SYT1: variants seen among roughly 807,000 people sequenced by gnomAD.
SYT1 encodes synaptotagmin 1.
In SYT1, 8 loss-of-function variants were observed where a neutral mutation model predicts 44.8. The observed-to-expected ratio is 0.18, with a 90% CI of 0.10 to 0.32. The LOEUF is 0.32. Among genes scored for constraint, SYT1 ranks in the 10% least tolerant of loss-of-function variants. The probability of loss-of-function intolerance (pLI) is 1.00; values close to 1 mark genes in which losing one functional copy is unlikely to be tolerated. For missense variants in SYT1, 286 were observed against 509.3 expected (o/e 0.56, Z 4.22); for synonymous variants, 154 against 188.8 (o/e 0.82, Z 1.51).
chr12:78,989,324 C>A (rs947740534), intron 2 of SYT1, among the ~76,000 whole-genome samples: 1 of 151,888 alleles, frequency 6.6e-6, no homozygotes, highest in African/African-American at 2.4e-5. Context: ...TTAAAGAATA[C>A]CTTACTAAAA....
chr12:79,204,474 G>GC (rs1250067626), intron 3 of SYT1, among the ~76,000 whole-genome samples: 1 of 152,158 alleles, frequency 6.6e-6, no homozygotes, highest in Non-Finnish European at 1.5e-5. Context: ...TTTCAGCAAA[G>GC]CAACGGAGAA....
chr12:79,302,248 A>G (rs1880186482), intron 8 of SYT1, among the ~76,000 whole-genome samples: 4 of 152,206 alleles, frequency 2.6e-5, no homozygotes, highest in Non-Finnish European at 5.9e-5. Flanking sequence ...AAAGAAAGTG[A>G]GAAAAAGGAG....
At chr12:78,925,508 G>GT in intron 1 of SYT1, among the ~76,000 whole-genome samples, 1 of 151,852 alleles carries the variant, frequency 6.6e-6, no homozygotes. Context: ...AGTTCTAGGA[G>GT]TTTTTTCCTC....
chr12:79,422,761 T>C (rs1207059337), intron 9 of SYT1, among the ~76,000 whole-genome samples: 1 of 152,064 alleles, frequency 6.6e-6, no homozygotes, highest in East Asian at 1.9e-4. Flanking sequence ...ATATCCATCC[T>C]GAAGGGGAAC....
intron 8 of SYT1, among the ~76,000 whole-genome samples, chr12:79,308,147 T>C (rs903728304): frequency 1.5e-4 from 23 of 152,198 alleles, no homozygotes; most frequent in African/African-American, 5.3e-4. Context: ...ATCCTTTCGC[T>C]GTAAGTCATG....
intron 2 of SYT1, among the ~76,000 whole-genome samples, chr12:78,991,928 G>T (rs943270465): frequency 6.6e-5 from 10 of 152,114 alleles, no homozygotes; most frequent in African/African-American, 2.4e-4. Context: ...TACATGAAGA[G>T]CTATTATTTC....
At chr12:78,914,261 G>A (rs948988924) in intron 1 of SYT1, among the ~76,000 whole-genome samples, 3 of 151,748 alleles carry the variant, frequency 2.0e-5, no homozygotes, top group Admixed American at 6.6e-5. Context: ...AAGATACCCT[G>A]GAAACTATTT....
At position 78,909,969 on chromosome 12, in the gene SYT1, A is replaced by G. The variant is rs116227178; in HGVS notation, c.-217+44860A>G. On this transcript the variant is annotated intron_variant, in intron 1 of 10. Transcript: ENST00000261205. Reference sequence around the variant, plus strand: ...TACTGATGCCCTAGTACCATCTCCAATATTGTTTGACCCCTTCTTCCTCCT... The same window carrying G: ...TACTGATGCCCTAGTACCATCTCCAGTATTGTTTGACCCCTTCTTCCTCCT... 4.0e-3 allele frequency among the ~76,000 whole-genome samples: 610 copies of G among 152,012 alleles called. 9 individuals carry two copies. Among genetic ancestry groups the G allele is most frequent in the African/African-American group, 0.013 (541 of 41,524 alleles).
At chr12:79,305,497 A>C (rs934811050) in intron 8 of SYT1, among the ~76,000 whole-genome samples, 1 of 152,096 alleles carries the variant, frequency 6.6e-6, no homozygotes, top group Non-Finnish European at 1.5e-5. Flanking sequence ...TATAAACACA[A>C]ATAATAGCTA....
intron 3 of SYT1, among the ~76,000 whole-genome samples, chr12:79,148,092 G>T: frequency 6.6e-6 from 1 of 152,144 alleles, no homozygotes; most frequent in East Asian, 1.9e-4. Context: ...GTGATAAATG[G>T]TTCATTTAGG....
chr12:79,092,323 G>A (rs1203951670), intron 3 of SYT1, among the ~76,000 whole-genome samples: 1 of 151,714 alleles, frequency 6.6e-6, no homozygotes, highest in African/African-American at 2.4e-5. Flanking sequence ...TTCCAATTGT[G>A]TCCTATTAGA....
At chr12:79,083,961 C>T (rs1209738937) in intron 3 of SYT1, among the ~76,000 whole-genome samples, 1 of 151,986 alleles carries the variant, frequency 6.6e-6, no homozygotes, top group Non-Finnish European at 1.5e-5. Context: ...GAGCATATCT[C>T]CTAACAAGAA....
rs1056827610 is a variant in SYT1, at chr12:78,958,604, A to C, written c.-216-19195A>C. Reference sequence around the variant, plus strand: ...CAGCTACTCGGGAGGCTAAAGCATGAGAATCACTTGAACCTGGGAGGCAGA... The same window carrying C: ...CAGCTACTCGGGAGGCTAAAGCATGCGAATCACTTGAACCTGGGAGGCAGA... On this transcript the variant is annotated intron_variant, in intron 1 of 10. Transcript: ENST00000261205. Among the ~76,000 whole-genome samples the C allele has an allele frequency of 2.0e-5, 3 of 152,126 alleles. No individual in the cohort carries two copies. The East Asian group carries it at 5.8e-4, about 29-fold the overall frequency.
At chr12:78,922,814 T>G (rs1877080720) in intron 1 of SYT1, among the ~76,000 whole-genome samples, 1 of 152,020 alleles carries the variant, frequency 6.6e-6, no homozygotes, top group Admixed American at 6.6e-5. Context: ...AGTACTTTAT[T>G]TCATTCATTT....
chr12:78,872,482 C>T (rs1342387284), intron 1 of SYT1, among the ~76,000 whole-genome samples: 1 of 151,872 alleles, frequency 6.6e-6, no homozygotes, highest in South Asian at 2.1e-4. Flanking sequence ...CATATTACAC[C>T]TCACAGCCTG....
chr12:79,090,709 A>T (rs1877716881), intron 3 of SYT1, among the ~76,000 whole-genome samples: 1 of 152,002 alleles, frequency 6.6e-6, no homozygotes. Flanking sequence ...ACAGGACTCA[A>T]AGAAGGGCCT....
chr12:79,034,815 T>C (rs918076994), intron 2 of SYT1, among the ~76,000 whole-genome samples: 3 of 151,680 alleles, frequency 2.0e-5, no homozygotes, highest in Non-Finnish European at 4.4e-5. Flanking sequence ...TTTTAAAAAG[T>C]TTTATTCTAT....
chr12:79,041,836 G>C (rs1231559600), intron 2 of SYT1, among the ~76,000 whole-genome samples: 38 of 151,816 alleles, frequency 2.5e-4, no homozygotes, highest in Non-Finnish European at 4.7e-4. Flanking sequence ...TAGCATGAAG[G>C]GTTGTTGAAT....
chr12:78,891,560 T>C (rs1875052338), intron 1 of SYT1, among the ~76,000 whole-genome samples: 1 of 151,930 alleles, frequency 6.6e-6, no homozygotes. Context: ...TTCTAGGTGT[T>C]ACTGAATTTT....
Sources: gnomAD v4.1 joint callset for allele counts (sites outside exome capture counted in the v4.1 genomes callset) on GRCh38, gnomAD v4.1.1 for gene constraint, MANE v1.5 for transcripts, NCBI Gene and HGNC (gene_info 2026-07-23, HGNC 2026-07-21) for gene names.